TMPRSS11D: variants seen among roughly 807,000 people sequenced by gnomAD.
TMPRSS11D encodes transmembrane protease serine 11D.
A neutral mutation model predicts 44.4 loss-of-function variants in TMPRSS11D; 32 were observed. The observed-to-expected ratio is 0.72, with a 90% confidence interval of 0.54 to 0.97. The LOEUF (loss-of-function observed/expected upper bound fraction) is 0.97, where lower values mean the gene tolerates loss of function less well. TMPRSS11D is among the 50% of genes least tolerant of loss of function. The probability of loss-of-function intolerance (pLI) is 0.00; values close to 1 mark genes in which losing one functional copy is unlikely to be tolerated. For missense variants in TMPRSS11D, 446 were observed against 502.6 expected (o/e 0.89, Z 1.08); for synonymous variants, 179 against 177.9 (o/e 1.01, Z -0.05).
chr4:67,830,948 G>A (rs969345201), intron 7 of TMPRSS11D, among the ~76,000 whole-genome samples: 1 of 152,070 alleles, frequency 6.6e-6, no homozygotes, highest in Non-Finnish European at 1.5e-5. Flanking sequence ...GTCAACTATA[G>A]TGTTTGGCAC....
intron 7 of TMPRSS11D, among the ~76,000 whole-genome samples, chr4:67,830,109 T>C (rs1717908661): frequency 6.6e-6 from 1 of 152,060 alleles, no homozygotes; most frequent in Non-Finnish European, 1.5e-5. Context: ...CAGCAGTGCA[T>C]CAGATGAAAA....
At chr4:67,869,520 G>T (rs1237778583) in intron 1 of TMPRSS11D, among the ~76,000 whole-genome samples, 1 of 151,860 alleles carries the variant, frequency 6.6e-6, no homozygotes, top group Non-Finnish European at 1.5e-5. Flanking sequence ...ATAATCATAT[G>T]ATCATACCAT....
chr4:67,850,218 G>T (rs1260987628), intron 3 of TMPRSS11D, among the ~76,000 whole-genome samples: 2 of 152,138 alleles, frequency 1.3e-5, no homozygotes, highest in East Asian at 1.9e-4. Flanking sequence ...TACATCAACT[G>T]CACTATTTAA....
rs775139432 is a variant in TMPRSS11D, at chr4:67,825,787, A to G, written c.1040T>C (p.Ile347Thr). 7 of 1,613,240 alleles carry G rather than the reference A, an allele frequency of 4.3e-6. No homozygotes were observed. Among genetic ancestry groups the G allele is most frequent in the Non-Finnish European group, 3.4e-6 (4 of 1,179,510 alleles). The change falls in exon 9 of 10, where the codon ATC becomes ACC. Residue 347 changes from isoleucine to threonine, a missense_variant. Physicochemically the swap from Ile to Thr is moderately conservative, Grantham distance 89. Transcript: ENST00000283916. Reference protein sequence around the residue: ...CNAPHSYNGAILSGMLCAGVP... With the variant: ...CNAPHSYNGATLSGMLCAGVP... The stretch of plus-strand genomic sequence containing the variant: ...TCCAGCACACAGCATTCCAGACAAG[A>G]TGGCTCCATTATAACTATGTGGTGC...
At chr4:67,832,880 T>C (rs546112335) in intron 7 of TMPRSS11D, among the ~76,000 whole-genome samples, 1 of 152,100 alleles carries the variant, frequency 6.6e-6, no homozygotes, top group Admixed American at 6.6e-5. Flanking sequence ...AACAGTGTTG[T>C]CCCTTAATTT....
chr4:67,835,208 C>A, intron 5 of TMPRSS11D, 87 bp from the exon 6 acceptor site: 2 of 1,261,134 alleles, frequency 1.6e-6, no homozygotes, highest in Non-Finnish European at 2.3e-6. Flanking sequence ...ACCCAGACAA[C>A]AAGAAGCAGA....
chr4:67,842,718 G>T, intron 3 of TMPRSS11D, 93 bp from the exon 4 acceptor site: 1 of 1,140,744 alleles, frequency 8.8e-7, no homozygotes, highest in Non-Finnish European at 1.3e-6. Context: ...TTAATGAGGA[G>T]TAGAAAACTG....
intron 7 of TMPRSS11D, among the ~76,000 whole-genome samples, chr4:67,832,093 A>G (rs1430705225): frequency 6.6e-6 from 1 of 152,154 alleles, no homozygotes; most frequent in East Asian, 1.9e-4. Flanking sequence ...GATTGATCAG[A>G]TACTCATAGG....
chr4:67,883,824 A>G, intron 1 of TMPRSS11D, 102 bp downstream of exon 1: 1 of 850,736 alleles, frequency 1.2e-6, no homozygotes, highest in Non-Finnish European at 1.8e-6. Context: ...TAACTAGAAG[A>G]TTGCTAGACA....
At chr4:67,869,528 C>T (rs999299200) in intron 1 of TMPRSS11D, among the ~76,000 whole-genome samples, 8 of 151,826 alleles carry the variant, frequency 5.3e-5, no homozygotes, top group African/African-American at 1.9e-4. Context: ...ATGATCATAC[C>T]ATTACCATAA....
chr4:67,883,351 G>C (rs1719368023), intron 1 of TMPRSS11D, among the ~76,000 whole-genome samples: 1 of 151,888 alleles, frequency 6.6e-6, no homozygotes, highest in African/African-American at 2.4e-5. Flanking sequence ...TGAAAGTATA[G>C]GAAAATACTT....
chr4:67,833,129 C>G, intron 7 of TMPRSS11D, 75 bp downstream of exon 7: 2 of 1,255,308 alleles, frequency 1.6e-6, no homozygotes, highest in Non-Finnish European at 2.0e-6. Context: ...CAATTCAATC[C>G]TAGGGTAGAG....
chr4:67,864,520 A>G (rs577319525), intron 1 of TMPRSS11D, among the ~76,000 whole-genome samples: 1 of 152,104 alleles, frequency 6.6e-6, no homozygotes, highest in East Asian at 1.9e-4. Flanking sequence ...TGGCAATATG[A>G]CAGAACTCCA....
chr4:67,832,419 T>A (rs1717967985), intron 7 of TMPRSS11D, among the ~76,000 whole-genome samples: 1 of 152,056 alleles, frequency 6.6e-6, no homozygotes, highest in African/African-American at 2.4e-5. Context: ...ATCCTTCTTT[T>A]ATGAGCAATG....
intron 3 of TMPRSS11D, among the ~76,000 whole-genome samples, chr4:67,844,902 G>A (rs1020101339): frequency 1.3e-5 from 2 of 152,218 alleles, no homozygotes; most frequent in Middle Eastern, 3.4e-3. Flanking sequence ...GCTTTAATAT[G>A]TTTATTAATA....
intron 1 of TMPRSS11D, among the ~76,000 whole-genome samples, chr4:67,876,923 C>T (rs926443350): frequency 6.6e-6 from 1 of 152,052 alleles, no homozygotes; most frequent in African/African-American, 2.4e-5. Context: ...CATTTCCCAC[C>T]CTTGAATATC....
At chr4:67,834,308 C>A (rs187215511) in intron 6 of TMPRSS11D, among the ~76,000 whole-genome samples, 165 of 152,248 alleles carry the variant, frequency 1.1e-3, no homozygotes, top group African/African-American at 3.8e-3. Flanking sequence ...ACCAGGCTTC[C>A]ATTAAGAGAT....
At chr4:67,875,217 G>T (rs940037440) in intron 1 of TMPRSS11D, among the ~76,000 whole-genome samples, 16 of 152,178 alleles carry the variant, frequency 1.1e-4, no homozygotes. Context: ...GCTTACGAAA[G>T]ATGTTGCACA....
intron 5 of TMPRSS11D, among the ~76,000 whole-genome samples, chr4:67,835,679 A>G (rs1445608265): frequency 1.3e-5 from 2 of 152,176 alleles, no homozygotes; most frequent in Admixed American, 1.3e-4. Context: ...GAGAGTAATT[A>G]AATTATATGG....
Sources: allele counts gnomAD v4.1 joint callset (sites outside exome capture counted in the v4.1 genomes callset), GRCh38; gene constraint gnomAD v4.1.1; transcripts MANE v1.5; gene names NCBI Gene and HGNC (gene_info 2026-07-23, HGNC 2026-07-21).